CROCC2: variants seen among roughly 807,000 people sequenced by gnomAD.
CROCC2 encodes ciliary rootlet coiled-coil, rootletin family member 2.
A neutral mutation model predicts 177.6 loss-of-function variants in CROCC2; 163 were observed. That is an observed-to-expected ratio of 0.92 (90% CI 0.81 to 1.05). The LOEUF (loss-of-function observed/expected upper bound fraction) is 1.05, where lower values mean the gene tolerates loss of function less well. Among genes scored for constraint, CROCC2 ranks in the 50% least tolerant of loss-of-function variants. CROCC2 has a pLI of 0.00. For missense variants in CROCC2, 1,929 were observed against 1,797.8 expected (o/e 1.07, Z -1.32); for synonymous variants, 904 against 787.3 (o/e 1.15, Z -2.48).
Position 240,966,222 on chromosome 2 carries a change from C to T in CROCC2, c.3962-3C>T. 1 of 889,086 alleles carries T rather than the reference C, an allele frequency of 1.1e-6. No homozygotes were observed. 55.1% of individuals were successfully genotyped at this position (889,086 alleles called of 1,614,324 possible). A position where few individuals can be genotyped will look rare whatever the true frequency, so the allele number is the denominator to read the frequency against. ...ACGACCCCTCCGCTGTCACCTCCCGCAGGCTCCGACAGCTCCCAGGCTCTC... is the reference window on the plus strand; with the variant it reads ...ACGACCCCTCCGCTGTCACCTCCCGTAGGCTCCGACAGCTCCCAGGCTCTC... On this transcript the variant is annotated splice_polypyrimidine_tract_variant and splice_region_variant and intron_variant, in intron 24 of 31. Coordinates refer to ENST00000690015, the MANE Select transcript of CROCC2 (RefSeq NM_001351305.2).
chr2:240,933,013 C>T (rs1203900714), intron 9 of CROCC2, 105 bp downstream of exon 9: 3 of 1,014,406 alleles, frequency 3.0e-6, no homozygotes, highest in Non-Finnish European at 4.1e-6. Flanking sequence ...CCCCATGGCT[C>T]CAGGGAGGGG....
At chr2:240,909,346 G>T (rs912670507) in intron 1 of CROCC2, among the ~76,000 whole-genome samples, 2 of 151,724 alleles carry the variant, frequency 1.3e-5, no homozygotes, top group African/African-American at 4.9e-5. Context: ...TCCACCTGGG[G>T]TGAGCTCTAC....
At chr2:240,928,805 A>G (rs1308215691) in intron 5 of CROCC2, among the ~76,000 whole-genome samples, 2 of 151,316 alleles carry the variant, frequency 1.3e-5, no homozygotes, top group Non-Finnish European at 2.9e-5. Context: ...ACGGGCTCAG[A>G]GGAGCATGCC....
At position 240,965,898 on chromosome 2, in the gene CROCC2, A is replaced by T. The variant is rs2059680018; in HGVS notation, c.3866A>T (p.Gln1289Leu). 1 of 1,433,212 alleles carries T rather than the reference A, an allele frequency of 7.0e-7. No individual in the cohort carries two copies. Among genetic ancestry groups the T allele is most frequent in the African/African-American group, 1.4e-5 (1 of 69,104 alleles). The allele number at this position is 1,433,212 out of a possible 1,614,324, so 88.8% of individuals were successfully genotyped here. Residue 1289 changes from glutamine to leucine, a missense_variant, in exon 24 of 32, where the codon CAG becomes CTG. This residue lies in a region of CROCC2 where 144 missense variants were observed against 205.2 expected (regional missense o/e 0.70). Transcript: ENST00000690015. ...AEGARQDAEA[Q>L]LGRLCSTLRR... Reference sequence around the variant, plus strand: ...GGTGCAAGGCAGGATGCGGAGGCCCAGCTGGGCCGGCTGTGCTCCACGCTC... The same window carrying T: ...GGTGCAAGGCAGGATGCGGAGGCCCTGCTGGGCCGGCTGTGCTCCACGCTC...
intron 22 of CROCC2, 92 bp downstream of exon 22, chr2:240,964,717 T>A (rs2059666849): frequency 7.1e-7 from 1 of 1,417,196 alleles, no homozygotes; most frequent in African/African-American, 1.4e-5. Flanking sequence ...GCCCTGGCCT[T>A]GCTGCCGCCT....
intron 19 of CROCC2, chr2:240,957,636 T>C (rs1306658480): frequency 6.6e-6 from 1 of 152,350 alleles, no homozygotes; most frequent in Non-Finnish European, 1.5e-5. Flanking sequence ...AGGAGGCGGC[T>C]GCTGGAGTGT....
At position 240,964,456 on chromosome 2, in the gene CROCC2, C is replaced by G; in HGVS notation, c.3306-10C>G. The G allele has an allele frequency of 1.9e-6, 3 of 1,548,302 alleles. No individual in the cohort carries two copies. In the South Asian group the frequency reaches 3.6e-5, roughly 18 times the overall value. ...GGTGCGGGGGCCCCAGCCTGTGGCA[C>G]CCTCGTCAGTTTTAAGCGGTCCAAG... On this transcript the variant is annotated splice_polypyrimidine_tract_variant and intron_variant, in intron 21 of 31. Coordinates refer to ENST00000690015, the MANE Select transcript of CROCC2 (RefSeq NM_001351305.2).
intron 28 of CROCC2, among the ~76,000 whole-genome samples, chr2:240,984,423 G>A (rs2059821750): frequency 6.6e-6 from 1 of 151,926 alleles, no homozygotes; most frequent in South Asian, 2.1e-4. Flanking sequence ...GCTTCTGGGA[G>A]CCTGCACCCC....
At chr2:240,932,616 G>T in intron 8 of CROCC2, 86 bp from the exon 9 acceptor site, 1 of 709,474 alleles carries the variant, frequency 1.4e-6, no homozygotes, top group South Asian at 1.5e-5. Context: ...AGCCCGCAGG[G>T]ACCCTCAGGA....
At chr2:240,938,283 A>C (rs2059480843) in intron 14 of CROCC2, among the ~76,000 whole-genome samples, 2 of 152,212 alleles carry the variant, frequency 1.3e-5, no homozygotes, top group South Asian at 4.1e-4. Flanking sequence ...ACTAAGGTCC[A>C]TTATTTTTCA....
At position 240,960,236 on chromosome 2, in the gene CROCC2, C is replaced by A. The variant is rs953282454; in HGVS notation, c.3087+792C>A. 6.6e-6 allele frequency among the ~76,000 whole-genome samples: 1 copy of A among 152,202 alleles called. No homozygotes were observed. Among genetic ancestry groups the A allele is most frequent in the Non-Finnish European group, 1.5e-5 (1 of 68,030 alleles). On this transcript the variant is annotated intron_variant, in intron 20 of 31. Transcript: ENST00000690015. The surrounding 1 kb of genome is among the most constrained non-coding windows in gnomAD (Gnocchi z 5.0). The stretch of plus-strand genomic sequence containing the variant: ...TGGGCTCTGCCCACACAGCAGGAGG[C>A]GCGGACTTCACTGGGCTGGACACTA...
intron 11 of CROCC2, 140 bp from the exon 12 acceptor site, chr2:240,934,191 C>T (rs2059452736): frequency 2.1e-6 from 2 of 942,312 alleles, no homozygotes; most frequent in Non-Finnish European, 3.1e-6. Flanking sequence ...TCCCTGCCTT[C>T]CTGGTCCTCC....
rs939484713 is a variant in CROCC2, at chr2:240,982,732, G to A, written c.4402-148G>A. 32 of 652,974 alleles carry A rather than the reference G, an allele frequency of 4.9e-5. No homozygotes were observed. In the African/African-American group the frequency reaches 5.8e-4, roughly 12 times the overall value. 40.4% of individuals were successfully genotyped at this position (652,974 alleles called of 1,614,324 possible). On this transcript the variant is annotated intron_variant, in intron 27 of 31. Coordinates refer to ENST00000690015, the MANE Select transcript of CROCC2 (RefSeq NM_001351305.2). This position sits in a 1 kb window ranked among gnomAD's most constrained non-coding sequence, Gnocchi z 4.7. ...ACAATCACCTGATCAACGCACTTCA[G>A]GTTGTCCTTAACCACGTTCTTGCTG...
chr2:240,922,511 G>A, intron 3 of CROCC2, 28 bp from the exon 4 acceptor site: 1 of 689,424 alleles, frequency 1.5e-6, no homozygotes, highest in Non-Finnish European at 2.7e-6. Context: ...GGAGCAGCCA[G>A]ACCAGGTGGG....
At chr2:240,938,066 G>A (rs1413067008) in intron 14 of CROCC2, among the ~76,000 whole-genome samples, 1 of 152,198 alleles carries the variant, frequency 6.6e-6, no homozygotes, top group African/African-American at 2.4e-5. Flanking sequence ...AAATTACCCA[G>A]TCTCAGGTAG....
intron 18 of CROCC2, among the ~76,000 whole-genome samples, chr2:240,952,121 G>T (rs2059560266): frequency 6.6e-6 from 1 of 152,018 alleles, no homozygotes; most frequent in African/African-American, 2.4e-5. Flanking sequence ...CGAGGCAGGT[G>T]GATCACTTGA....
chr2:240,932,563 G>T lies in CROCC2; in HGVS notation c.1045-139G>T, dbSNP rs536589744. 22 of 689,350 alleles carry T rather than the reference G, an allele frequency of 3.2e-5. No homozygotes were observed. The South Asian group carries it at 3.5e-4, about 11-fold the overall frequency. 42.7% of individuals were successfully genotyped at this position (689,350 alleles called of 1,614,324 possible). Reference sequence around the variant, plus strand: ...AGTGCACTTTGAGGCACGTCAGGAAGGTGTGGCCCCTCGCCTGTCCTCCCA... The same window carrying T: ...AGTGCACTTTGAGGCACGTCAGGAATGTGTGGCCCCTCGCCTGTCCTCCCA... On this transcript the variant is annotated intron_variant, in intron 8 of 31. Coordinates refer to ENST00000690015, the MANE Select transcript of CROCC2 (RefSeq NM_001351305.2).
At chr2:240,922,457 C>T (rs1005421982) in intron 3 of CROCC2, 82 bp from the exon 4 acceptor site, 3 of 617,308 alleles carry the variant, frequency 4.9e-6, no homozygotes, top group East Asian at 5.9e-5. Flanking sequence ...CCACTAAGGT[C>T]GGCTTTGTGC....
chr2:240,950,877 A>C, intron 18 of CROCC2: 1 of 216,696 alleles, frequency 4.6e-6, no homozygotes, highest in Non-Finnish European at 9.1e-6. Context: ...CTGTCCATTC[A>C]TTCACCCATC....
Sources: allele counts gnomAD v4.1 joint callset (sites outside exome capture counted in the v4.1 genomes callset), GRCh38; gene constraint gnomAD v4.1.1; regional missense constraint gnomAD v4.1.1; non-coding constraint Gnocchi (gnomAD v3.1); transcripts MANE v1.5; gene names NCBI Gene and HGNC (gene_info 2026-07-23, HGNC 2026-07-21).